The following SMYD3 variants were observed in gnomAD, a reference collection of about 807,000 sequenced individuals.
SMYD3 encodes histone-lysine N-methyltransferase SMYD3.
A neutral mutation model predicts 57.7 loss-of-function variants in SMYD3; 36 were observed. That is an observed-to-expected ratio of 0.62 (90% CI 0.48 to 0.82). SMYD3 has a LOEUF of 0.82. Among genes scored for constraint, SMYD3 ranks in the 40% least tolerant of loss-of-function variants. SMYD3 has a pLI of 0.00. For synonymous variants in SMYD3, 211 were observed against 195.0 expected (o/e 1.08, Z -0.68); for missense variants, 515 against 538.8 (o/e 0.96, Z 0.44).
At chr1:245,865,839 G>A (rs529317589) in intron 8 of SMYD3, among the ~76,000 whole-genome samples, 10 of 152,222 alleles carry the variant, frequency 6.6e-5, no homozygotes, top group African/African-American at 2.2e-4. Context: ...AGAAAGTCCT[G>A]TTGGACAGTG....
At chr1:246,304,910 A>AT (rs1373427623) in intron 5 of SMYD3, among the ~76,000 whole-genome samples, 2 of 152,228 alleles carry the variant, frequency 1.3e-5, no homozygotes, top group South Asian at 2.1e-4. Flanking sequence ...CTTTGTTGAG[A>AT]TTTTTTATGT....
intron 10 of SMYD3, chr1:245,814,192 T>C (rs1416104196): frequency 5.9e-6 from 1 of 170,598 alleles, no homozygotes; most frequent in Non-Finnish European, 1.2e-5. Context: ...TTACTGAATA[T>C]GATGTGAACT....
At chr1:246,378,085 A>G (rs1264500036) in intron 1 of SMYD3, among the ~76,000 whole-genome samples, 1 of 152,122 alleles carries the variant, frequency 6.6e-6, no homozygotes, top group African/African-American at 2.4e-5. Flanking sequence ...GCATTTGCAT[A>G]TTTTCTACTG....
chr1:245,939,501 T>C (rs764574530), intron 5 of SMYD3, among the ~76,000 whole-genome samples: 2 of 151,904 alleles, frequency 1.3e-5, no homozygotes, highest in Admixed American at 6.6e-5. Flanking sequence ...GTGGCAGGTG[T>C]CTGTAGTCCA....
At chr1:246,214,784 T>G (rs531507507) in intron 5 of SMYD3, among the ~76,000 whole-genome samples, 1 of 152,076 alleles carries the variant, frequency 6.6e-6, no homozygotes, top group Non-Finnish European at 1.5e-5. Context: ...CTTCTGAATA[T>G]GGAGGAATGA....
chr1:245,940,333 T>G (rs1024828867), intron 5 of SMYD3, among the ~76,000 whole-genome samples: 10 of 152,078 alleles, frequency 6.6e-5, no homozygotes, highest in African/African-American at 2.2e-4. Flanking sequence ...CCTGACTGGG[T>G]GAGACCTCCC....
chr1:245,825,069 T>G (rs1231327358), intron 10 of SMYD3, among the ~76,000 whole-genome samples: 2 of 151,906 alleles, frequency 1.3e-5, no homozygotes, highest in Non-Finnish European at 2.9e-5. Context: ...AAATGTAAAC[T>G]CGCCAAGAGC....
chr1:246,096,538 CTT>C (rs2060918182), intron 5 of SMYD3: 1 of 152,206 alleles, frequency 6.6e-6, no homozygotes, highest in South Asian at 2.1e-4. Flanking sequence ...CAGCAATAAT[CTT>C]TGCACTACAT....
chr1:246,079,246 G>A (rs954509237), intron 5 of SMYD3, among the ~76,000 whole-genome samples: 2 of 152,108 alleles, frequency 1.3e-5, no homozygotes, highest in African/African-American at 4.8e-5. Context: ...GATAAAGTCT[G>A]AAATAGGACA....
In SMYD3 at chr1:246,247,465, CTA is replaced by C. The variant is rs200687230; in HGVS notation, c.531+79734_531+79735del. Among the ~76,000 whole-genome samples, 384 of 111,746 alleles carry C rather than the reference CTA, an allele frequency of 3.4e-3. 6 individuals carry two copies. Among genetic ancestry groups the C allele is most frequent in the African/African-American group, 8.3e-3 (239 of 28,788 alleles). The allele number at this position is 111,746 out of a possible 152,430, so 73.3% of individuals were successfully genotyped here. A position where few individuals can be genotyped will look rare whatever the true frequency, so the allele number is the denominator to read the frequency against. On this transcript the variant is annotated intron_variant, in intron 5 of 11. Coordinates refer to ENST00000490107, the MANE Select transcript of SMYD3 (RefSeq NM_001167740.2). ...GATAACTCTCTCTCTCTCTCTCTCT[CTA>C]TATATATATATATATATATTTTTTA...
chr1:245,900,215 T>A (rs1023934160), intron 8 of SMYD3, among the ~76,000 whole-genome samples: 25 of 152,214 alleles, frequency 1.6e-4, no homozygotes, highest in African/African-American at 6.0e-4. Flanking sequence ...AAAATCCATT[T>A]AACACCTCTC....
At chr1:245,784,843 A>ATTT (rs74163079) in intron 10 of SMYD3, among the ~76,000 whole-genome samples, 37 of 115,700 alleles carry the variant, frequency 3.2e-4, no homozygotes, top group African/African-American at 7.2e-4. Flanking sequence ...TTTAGACTGA[A>ATTT]TTTTTTTTTT....
intron 1 of SMYD3, among the ~76,000 whole-genome samples, chr1:246,439,035 A>G (rs1444088679): frequency 7.0e-6 from 1 of 143,518 alleles, no homozygotes; most frequent in East Asian, 2.2e-4. Context: ...ACCCCTGACT[A>G]TGCTATGTAA....
intron 8 of SMYD3, among the ~76,000 whole-genome samples, chr1:245,881,969 C>T (rs946593615): frequency 2.8e-4 from 43 of 152,294 alleles, no homozygotes; most frequent in African/African-American, 9.1e-4. Flanking sequence ...GGAGCCAGGC[C>T]GCACAGGGGC....
intron 3 of SMYD3, 136 bp downstream of exon 3, chr1:246,335,231 T>A (rs2065522769): frequency 1.3e-6 from 1 of 746,266 alleles, no homozygotes; most frequent in African/African-American, 1.8e-5. Flanking sequence ...TTTGTGAGAC[T>A]CATTTTATTG....
chr1:246,074,564 T>TG (rs2060514083), intron 5 of SMYD3, among the ~76,000 whole-genome samples: 1 of 152,238 alleles, frequency 6.6e-6, no homozygotes, highest in South Asian at 2.1e-4. Flanking sequence ...AGTTAACACT[T>TG]GAAAATAAAT....
chr1:245,887,578 A>G (rs1246358432), intron 8 of SMYD3, among the ~76,000 whole-genome samples: 1 of 152,138 alleles, frequency 6.6e-6, no homozygotes, highest in African/African-American at 2.4e-5. Flanking sequence ...ATCTCTTTGA[A>G]ACCATCTCAA....
intron 5 of SMYD3, among the ~76,000 whole-genome samples, chr1:246,290,266 A>C (rs2064662698): frequency 6.6e-6 from 1 of 152,204 alleles, no homozygotes; most frequent in African/African-American, 2.4e-5. Context: ...TAAACTATCT[A>C]AACTTTTGGC....
chr1:245,856,303 G>A (rs1248811152), intron 10 of SMYD3, among the ~76,000 whole-genome samples: 2 of 152,076 alleles, frequency 1.3e-5, no homozygotes, highest in Non-Finnish European at 2.9e-5. Flanking sequence ...CAAATGATTC[G>A]TACCTCACTC....
Sources: gnomAD v4.1 joint callset for allele counts (sites outside exome capture counted in the v4.1 genomes callset) on GRCh38, gnomAD v4.1.1 for gene constraint, MANE v1.5 for transcripts, NCBI Gene and HGNC (gene_info 2026-07-23, HGNC 2026-07-21) for gene names.